CFAP299: variants seen among roughly 807,000 people sequenced by gnomAD.
CFAP299 encodes the protein cilia- and flagella-associated protein 299.
CFAP299 carries 21 observed loss-of-function variants against 27.0 expected under a neutral mutation model. The ratio of observed to expected loss-of-function variants is 0.78; its 90% CI spans 0.55 to 1.12. The LOEUF is 1.12. Among genes scored for constraint, CFAP299 ranks in the 50% most tolerant of loss-of-function variants. The probability of loss-of-function intolerance (pLI) is 0.00; values close to 1 mark genes in which losing one functional copy is unlikely to be tolerated. For missense variants in CFAP299, 310 were observed against 276.6 expected (o/e 1.12, Z -0.86); for synonymous variants, 104 against 98.1 (o/e 1.06, Z -0.36).
chr4:80,336,015 C>G, intron 1 of CFAP299, 136 bp downstream of exon 1: 1 of 626,968 alleles, frequency 1.6e-6, no homozygotes, highest in South Asian at 1.8e-5. Context: ...GACCGCGACA[C>G]TAAAGCCGCT....
In CFAP299 at chr4:80,800,292, AAT is replaced by A. The variant is rs1225658334; in HGVS notation, c.334-69693_334-69692del. On this transcript the variant is annotated intron_variant, in intron 3 of 5. Transcript: ENST00000358105. ...AAATATATATAATATATAATATATT[AAT>A]ATATATAATATATAAGATATATGAT... Among the ~76,000 whole-genome samples, 12 of 74,736 alleles carry A rather than the reference AAT, an allele frequency of 1.6e-4. 1 individual carries two copies. The highest frequency in any genetic ancestry group is 4.5e-4 in the East Asian group (1 of 2,238). The allele number at this position is 74,736 out of a possible 152,430, so 49.0% of individuals were successfully genotyped here.
intron 2 of CFAP299, among the ~76,000 whole-genome samples, chr4:80,494,055 G>A (rs1304125883): frequency 6.6e-6 from 1 of 152,032 alleles, no homozygotes; most frequent in Admixed American, 6.6e-5. Context: ...GATTACAGGC[G>A]TGAGCCACCG....
chr4:80,549,168 A>G (rs1047843626), intron 2 of CFAP299, among the ~76,000 whole-genome samples: 2 of 152,030 alleles, frequency 1.3e-5, no homozygotes, highest in African/African-American at 2.4e-5. Flanking sequence ...TTAATCAAGA[A>G]AGTAACACAC....
chr4:80,823,499 A>T (rs908540384), intron 3 of CFAP299, among the ~76,000 whole-genome samples: 1 of 152,030 alleles, frequency 6.6e-6, no homozygotes, highest in Non-Finnish European at 1.5e-5. Context: ...TTAAGGAAAA[A>T]TTTTCATTTT....
At chr4:80,526,181 A>G (rs1356382956) in intron 2 of CFAP299, among the ~76,000 whole-genome samples, 2 of 152,110 alleles carry the variant, frequency 1.3e-5, no homozygotes, top group African/African-American at 4.8e-5. Flanking sequence ...CTGGTCTCTC[A>G]AGGCTGCAAT....
At chr4:80,836,884 G>A (rs1424979867) in intron 3 of CFAP299, among the ~76,000 whole-genome samples, 2 of 151,618 alleles carry the variant, frequency 1.3e-5, no homozygotes, top group Admixed American at 6.6e-5. Flanking sequence ...TTATTTTGTA[G>A]TCACTCAATT....
chr4:80,423,816 G>T (rs1384610985), intron 2 of CFAP299, among the ~76,000 whole-genome samples: 2 of 152,172 alleles, frequency 1.3e-5, no homozygotes, highest in African/African-American at 2.4e-5. Flanking sequence ...CAAAGGCAAG[G>T]CTCTGGGAGA....
chr4:80,415,057 C>T (rs150285563), intron 2 of CFAP299, among the ~76,000 whole-genome samples: 3 of 152,228 alleles, frequency 2.0e-5, no homozygotes, highest in African/African-American at 7.2e-5. Context: ...TGGGGACAAC[C>T]TCATCCTTTT....
intron 1 of CFAP299, among the ~76,000 whole-genome samples, chr4:80,338,106 T>TCA (rs944928285): frequency 2.0e-5 from 3 of 151,932 alleles, no homozygotes; most frequent in African/African-American, 7.3e-5. Flanking sequence ...TCTCTCTCTC[T>TCA]CACACACATC....
intron 2 of CFAP299, among the ~76,000 whole-genome samples, chr4:80,569,445 A>G (rs921492499): frequency 1.3e-5 from 2 of 152,048 alleles, no homozygotes; most frequent in African/African-American, 2.4e-5. Context: ...TTTTACTGTT[A>G]TAACATAAGA....
intron 3 of CFAP299, among the ~76,000 whole-genome samples, chr4:80,781,809 C>CAAATTGCTA (rs959943266): frequency 1.3e-5 from 2 of 151,044 alleles, no homozygotes; most frequent in African/African-American, 4.9e-5. Context: ...CTGAATAACT[C>CAAATTGCTA]AAATTGCTAA....
chr4:80,930,923 T>C (rs2868077), intron 4 of CFAP299, among the ~76,000 whole-genome samples: 5,153 of 151,372 alleles, frequency 0.034, 197 homozygotes, highest in African/African-American at 0.096. Flanking sequence ...TATTCTGTCC[T>C]TTTTTTTTCC....
chr4:80,739,333 T>C (rs1187176916), intron 3 of CFAP299, among the ~76,000 whole-genome samples: 1 of 152,188 alleles, frequency 6.6e-6, no homozygotes, highest in East Asian at 1.9e-4. Flanking sequence ...CTTTAGCCTT[T>C]CTTGCACGTC....
intron 2 of CFAP299, among the ~76,000 whole-genome samples, chr4:80,569,223 G>T (rs7678081): frequency 0.11 from 17,325 of 152,030 alleles, 1,140 homozygotes; most frequent in South Asian, 0.23. Context: ...TTTGTTTTCT[G>T]TTGGGACTCT....
chr4:80,345,325 G>T lies in CFAP299; in HGVS notation c.111+9446G>T, dbSNP rs978922559. On this transcript the variant is annotated intron_variant, in intron 1 of 5. Coordinates refer to ENST00000358105, the MANE Select transcript of CFAP299 (RefSeq NM_152770.3). ...GTTCTAGGGTACATGTGCATAACGT[G>T]CAGGTTTGTTACATATGTATATATG... is the stretch of plus-strand genomic sequence containing the variant. Among the ~76,000 whole-genome samples, 33 of 152,078 alleles carry T rather than the reference G, an allele frequency of 2.2e-4. 1 individual carries two copies. Among genetic ancestry groups the T allele is most frequent in the Admixed American group, 6.5e-4 (10 of 15,292 alleles).
chr4:80,749,633 A>T (rs1020938051), intron 3 of CFAP299, among the ~76,000 whole-genome samples: 3 of 152,202 alleles, frequency 2.0e-5, no homozygotes, highest in Non-Finnish European at 2.9e-5. Flanking sequence ...GCAAACCACT[A>T]ATGTAAGTCC....
At chr4:80,759,061 A>C (rs1262499644) in intron 3 of CFAP299, among the ~76,000 whole-genome samples, 2 of 152,358 alleles carry the variant, frequency 1.3e-5, no homozygotes, top group African/African-American at 2.4e-5. Context: ...ACATTTAAAA[A>C]ATAAGTGATG....
rs1733571342 is a variant in CFAP299, at chr4:80,879,272, A to AGTGATTCTTGG, written c.476+9137_476+9138insGTGATTCTTGG. Among the ~76,000 whole-genome samples the AGTGATTCTTGG allele has an allele frequency of 7.9e-5, 12 of 152,276 alleles. No individual in the cohort carries two copies. In the South Asian group the frequency reaches 2.5e-3, roughly 32 times the overall value. On this transcript the variant is annotated intron_variant, in intron 4 of 5. Transcript: ENST00000358105. ...ACATTAGCAACTTCAGTAGCCCTAT[A>AGTGATTCTTGG]AGTCTAGTGATAATTGGAAATCTAA...
At chr4:80,712,820 A>T (rs1305024468) in intron 3 of CFAP299, among the ~76,000 whole-genome samples, 2 of 152,186 alleles carry the variant, frequency 1.3e-5, no homozygotes, top group Non-Finnish European at 2.9e-5. Flanking sequence ...GCCCATATTT[A>T]TGTATCTGAA....
Sources: allele counts gnomAD v4.1 joint callset (sites outside exome capture counted in the v4.1 genomes callset), GRCh38; gene constraint gnomAD v4.1.1; transcripts MANE v1.5; gene names NCBI Gene and HGNC (gene_info 2026-07-23, HGNC 2026-07-21).